Variants in LRRC28 observed in about 807,000 individuals in gnomAD.
LRRC28 encodes leucine-rich repeat-containing protein 28.
LRRC28 carries 39 observed loss-of-function variants against 45.7 expected under a neutral mutation model. The observed-to-expected ratio is 0.85, with a 90% CI of 0.66 to 1.12. The LOEUF is 1.12. LRRC28 is among the 50% of genes most tolerant of loss of function. The probability of loss-of-function intolerance (pLI) is 0.00; values close to 1 mark genes in which losing one functional copy is unlikely to be tolerated. For synonymous variants in LRRC28, 206 were observed against 178.8 expected, an observed-to-expected ratio of 1.15 and a Z score of -1.22; for missense variants, 435 against 438.5, an observed-to-expected ratio of 0.99 and a Z score of 0.07.
intron 7 of LRRC28, among the ~76,000 whole-genome samples, chr15:99,357,474 A>G (rs1261300024): frequency 6.6e-6 from 1 of 152,230 alleles, no homozygotes; most frequent in African/African-American, 2.4e-5. Flanking sequence ...TTGACAAAAG[A>G]AACCAGGCAC....
At position 99,363,168 on chromosome 15, in the gene LRRC28, C is replaced by G. The variant is rs140850778; in HGVS notation, c.934C>G (p.Leu312Val). 2.5e-6 allele frequency: 4 copies of G among 1,614,080 alleles called. No homozygotes were observed. The African/African-American group carries it at 5.3e-5, about 22-fold the overall frequency. The change falls in exon 9 of 10, where the codon CTG becomes GTG. Residue 312 changes from leucine (L) to valine (V), a missense_variant. Coordinates refer to ENST00000301981, the MANE Select transcript of LRRC28 (RefSeq NM_144598.5). ...TCTCCTAGAGCTGCTGCACTGCCCT[C>G]TGGGGCACTGTCATCGGTGTAGTGA... ...RSLLELLHCP[L>V]GHCHRCSEPM...
Position 99,256,003 on chromosome 15 carries a change from A to G in LRRC28, c.46A>G (p.Lys16Glu). 6.2e-7 allele frequency: 1 copy of G among 1,613,288 alleles called. No homozygotes were observed. Among genetic ancestry groups the G allele is most frequent in the Non-Finnish European group, 8.5e-7 (1 of 1,179,998 alleles). Residue 16 changes from lysine (K) to glutamate (E), a missense_variant, in exon 2 of 10, where the codon AAG becomes GAG. Lys to Glu is a moderately conservative substitution (Grantham distance 56, BLOSUM62 1). Coordinates refer to ENST00000301981, the MANE Select transcript of LRRC28 (RefSeq NM_144598.5). The part of the protein sequence containing the change: ...CKTISVARLE[K>E]HKNLFLNYRN... Reference sequence around the variant, plus strand: ...GACGATCTCTGTGGCAAGGCTAGAAAAGCACAAGAATTTGTTCTTAAATTA... The same window carrying G: ...GACGATCTCTGTGGCAAGGCTAGAAGAGCACAAGAATTTGTTCTTAAATTA...
chr15:99,251,770 C>T (rs1485667729), intron 1 of LRRC28: 1 of 152,310 alleles, frequency 6.6e-6, no homozygotes, highest in Non-Finnish European at 1.5e-5. Context: ...CGTGAAATCC[C>T]TGCTGCTGGG....
chr15:99,267,790 T>G (rs1285613165), intron 2 of LRRC28, among the ~76,000 whole-genome samples: 1 of 152,236 alleles, frequency 6.6e-6, no homozygotes, highest in Non-Finnish European at 1.5e-5. Context: ...TTAGAAGCTT[T>G]TCTGTCATTG....
At chr15:99,318,592 A>G (rs1014904598) in intron 5 of LRRC28, among the ~76,000 whole-genome samples, 1 of 151,934 alleles carries the variant, frequency 6.6e-6, no homozygotes, top group Non-Finnish European at 1.5e-5. Context: ...TTATCTGAGA[A>G]CTCTAAACAA....
chr15:99,257,641 G>A, intron 2 of LRRC28: 2 of 715,472 alleles, frequency 2.8e-6, no homozygotes, highest in South Asian at 2.8e-5. Flanking sequence ...TGAAGGCCCT[G>A]TGGGTGCTGG....
intron 5 of LRRC28, among the ~76,000 whole-genome samples, chr15:99,329,176 A>G (rs1317286914): frequency 2.0e-5 from 3 of 152,204 alleles, no homozygotes; most frequent in African/African-American, 7.2e-5. Flanking sequence ...AATTAAGTGT[A>G]TGAGGCTACT....
At chr15:99,259,271 C>G in intron 2 of LRRC28, 2 of 1,073,220 alleles carry the variant, frequency 1.9e-6, no homozygotes, top group South Asian at 2.5e-5. Flanking sequence ...TGAATCTTCT[C>G]CATTTGTTTA....
intron 9 of LRRC28, among the ~76,000 whole-genome samples, chr15:99,383,290 G>C (rs1182909410): frequency 6.6e-6 from 1 of 152,210 alleles, no homozygotes; most frequent in Non-Finnish European, 1.5e-5. Context: ...TTAAGATATA[G>C]AGGGCAATAA....
chr15:99,274,418 G>T (rs1334169010), intron 2 of LRRC28, among the ~76,000 whole-genome samples: 1 of 152,058 alleles, frequency 6.6e-6, no homozygotes, highest in African/African-American at 2.4e-5. Flanking sequence ...TTAGTGTTCT[G>T]TTCCTTGCCA....
chr15:99,296,794 C>T (rs1391435080), intron 5 of LRRC28, among the ~76,000 whole-genome samples: 1 of 152,050 alleles, frequency 6.6e-6, no homozygotes, highest in Non-Finnish European at 1.5e-5. Context: ...TTAAAGGGAG[C>T]TTATAATATT....
intron 5 of LRRC28, among the ~76,000 whole-genome samples, chr15:99,297,960 A>G (rs918042575): frequency 6.6e-6 from 1 of 152,134 alleles, no homozygotes; most frequent in African/African-American, 2.4e-5. Context: ...TACATACAGA[A>G]AAATACTCCT....
At chr15:99,274,105 G>A (rs1364374806) in intron 2 of LRRC28, among the ~76,000 whole-genome samples, 1 of 152,116 alleles carries the variant, frequency 6.6e-6, no homozygotes, top group Non-Finnish European at 1.5e-5. Flanking sequence ...ATAGAAATAT[G>A]GGGCAAAAAG....
intron 5 of LRRC28, among the ~76,000 whole-genome samples, chr15:99,316,230 A>G (rs576708300): frequency 6.6e-6 from 1 of 152,358 alleles, no homozygotes; most frequent in African/African-American, 2.4e-5. Context: ...CTCATAAAAT[A>G]TAATTTGTTA....
At chr15:99,315,092 GC>G (rs1227650278) in intron 5 of LRRC28, among the ~76,000 whole-genome samples, 2 of 152,058 alleles carry the variant, frequency 1.3e-5, no homozygotes, top group Non-Finnish European at 2.9e-5. Flanking sequence ...TAGATTTTCA[GC>G]TCTTCAGAGG....
At chr15:99,321,608 C>T (rs1955800036) in intron 5 of LRRC28, among the ~76,000 whole-genome samples, 1 of 152,106 alleles carries the variant, frequency 6.6e-6, no homozygotes, top group Non-Finnish European at 1.5e-5. Flanking sequence ...TGAGTTTCCT[C>T]AAAAGTCCAC....
chr15:99,270,398 C>T (rs2081443917), intron 2 of LRRC28, among the ~76,000 whole-genome samples: 1 of 152,140 alleles, frequency 6.6e-6, no homozygotes, highest in African/African-American at 2.4e-5. Flanking sequence ...TAAAACCCCT[C>T]ACCCATTAAG....
At chr15:99,285,722 CT>C (rs2081940730) in intron 3 of LRRC28, 1 of 564,378 alleles carries the variant, frequency 1.8e-6, no homozygotes, top group African/African-American at 1.9e-5. Flanking sequence ...ATAGTGGGTA[CT>C]TTAGTTCATA....
At chr15:99,324,259 T>C (rs1412193402) in intron 5 of LRRC28, among the ~76,000 whole-genome samples, 2 of 152,184 alleles carry the variant, frequency 1.3e-5, no homozygotes, top group Non-Finnish European at 2.9e-5. Flanking sequence ...CTGCTCAAAA[T>C]GGCATGAAAT....
Sources: allele counts gnomAD v4.1 joint callset (sites outside exome capture counted in the v4.1 genomes callset), GRCh38; gene constraint gnomAD v4.1.1; transcripts MANE v1.5; gene names NCBI Gene and HGNC (gene_info 2026-07-23, HGNC 2026-07-21).